JAG1: variants seen among roughly 807,000 people sequenced by gnomAD.
The protein encoded by JAG1 is jagged canonical Notch ligand 1, also known as protein jagged-1.
Under a neutral mutation model 148.7 loss-of-function variants are expected in JAG1, and 23 were observed. The observed-to-expected ratio is 0.15, with a 90% CI of 0.11 to 0.22. The LOEUF is 0.22. Among genes scored for constraint, JAG1 ranks in the 10% least tolerant of loss-of-function variants. The pLI is 1.00. For synonymous variants in JAG1, 572 were observed against 598.3 expected, an observed-to-expected ratio of 0.96 and a Z score of 0.64; for missense variants, 1,054 against 1,611.2, an observed-to-expected ratio of 0.65 and a Z score of 5.92.
chr20:10,661,555 G>A (rs2067417358), intron 3 of JAG1, among the ~76,000 whole-genome samples: 1 of 152,204 alleles, frequency 6.6e-6, no homozygotes, highest in Non-Finnish European at 1.5e-5. Flanking sequence ...TGGACAACAC[G>A]GTGTGTAAGA....
rs2122614945 is a variant in JAG1 at position 10,652,452 on chromosome 20, TC to T, written c.886+15del. Reference sequence around the variant, plus strand: ...CCCCCAGATCCCACCCTGGGTCTCATCCCTAAGGGCCATACCTTTGTCACAG... The same window carrying T: ...CCCCCAGATCCCACCCTGGGTCTCATCCTAAGGGCCATACCTTTGTCACAG... On this transcript the variant is annotated intron_variant, in intron 6 of 25. Coordinates refer to ENST00000254958, the MANE Select transcript of JAG1 (RefSeq NM_000214.3). The T allele has an allele frequency of 6.2e-7, 1 of 1,612,268 alleles. No homozygotes were observed. Among genetic ancestry groups the T allele is most frequent in the Non-Finnish European group, 8.5e-7 (1 of 1,178,772 alleles).
intron 2 of JAG1, 136 bp from the exon 3 acceptor site, chr20:10,664,150 T>G: frequency 2.7e-6 from 2 of 751,380 alleles, no homozygotes; most frequent in Non-Finnish European, 4.8e-6. Flanking sequence ...GTTGTTGCAT[T>G]GAGTTCCTGG....
chr20:10,641,024 T>C (rs1855769134), intron 24 of JAG1, 89 bp downstream of exon 24: 1 of 1,611,490 alleles, frequency 6.2e-7, no homozygotes, highest in Non-Finnish European at 8.5e-7. Flanking sequence ...CTGCAAAGCT[T>C]TTTGTCAGTG....
chr20:10,663,270 G>A (rs7267808), intron 3 of JAG1, among the ~76,000 whole-genome samples: 12,868 of 152,186 alleles, frequency 0.085, 792 homozygotes, highest in East Asian at 0.22. Context: ...GTTTCGGCTC[G>A]TGAGCGAAAA....
At chr20:10,671,959 G>A (rs2067498410) in intron 2 of JAG1, among the ~76,000 whole-genome samples, 1 of 151,882 alleles carries the variant, frequency 6.6e-6, no homozygotes, top group African/African-American at 2.4e-5. Flanking sequence ...CCGTGCACCC[G>A]CCCTTCCCGG....
chr20:10,641,001 C>T (rs112822167), intron 24 of JAG1, 68 bp from the exon 25 acceptor site: 20 of 1,610,566 alleles, frequency 1.2e-5, no homozygotes, highest in African/African-American at 2.7e-5. Context: ...CAAAATTACT[C>T]GACAATCTGT....
rs1337206941 is a variant in JAG1 at position 10,648,021 on chromosome 20, C to A, written c.1659G>T (p.Glu553Asp). 3 of 1,614,050 alleles carry A rather than the reference C, an allele frequency of 1.9e-6. No individual in the cohort carries two copies. Among genetic ancestry groups the A allele is most frequent in the Admixed American group, 3.3e-5 (2 of 60,000 alleles). The change falls in exon 13 of 26, where the codon GAG becomes GAT. Residue 553 changes from glutamate (E) to aspartate (D), a missense_variant. Glu to Asp is a conservative substitution (Grantham distance 45). Transcript: ENST00000254958. ...GTGAGCAGTTCTTGCCCTCATAGTC[C>A]TCGGGGCACTTGCAGAAATAGTCAC... ...RASDYFCKCP[E>D]DYEGKNCSHL...
intron 3 of JAG1, among the ~76,000 whole-genome samples, chr20:10,660,643 C>T (rs566412064): frequency 2.0e-5 from 3 of 152,210 alleles, no homozygotes; most frequent in Non-Finnish European, 4.4e-5. Flanking sequence ...CAGAGGATCA[C>T]TTCAGAATCC....
chr20:10,650,196 C>T (rs562173518), intron 9 of JAG1, 51 bp downstream of exon 9: 15 of 1,191,330 alleles, frequency 1.3e-5, no homozygotes, highest in South Asian at 8.7e-5. Context: ...ATGGCTTTGA[C>T]AATCAAAGCC....
At chr20:10,641,092 G>A in intron 24 of JAG1, 21 bp downstream of exon 24, 1 of 1,614,060 alleles carries the variant, frequency 6.2e-7, no homozygotes, top group Non-Finnish European at 8.5e-7. Context: ...ATAATGAGGT[G>A]TGAATGGGTC....
At position 10,656,353 on chromosome 20, in the gene JAG1, T is replaced by G. The variant is rs375081445; in HGVS notation, c.755+45A>C. The G allele has an allele frequency of 5.4e-6, 8 of 1,478,048 alleles. No homozygotes were observed. In the South Asian group the frequency reaches 7.9e-5, roughly 15 times the overall value. The allele number at this position is 1,478,048 out of a possible 1,614,324, so 91.6% of individuals were successfully genotyped here. A position where few individuals can be genotyped will look rare whatever the true frequency, so the allele number is the denominator to read the frequency against. On this transcript the variant is annotated intron_variant, in intron 5 of 25. Transcript: ENST00000254958. ...CAATAAAGTCAGTTCCTCTCTTACATAAAGGAAAATTAAAAGAAATCTCAC... is the reference window on the plus strand; with the variant it reads ...CAATAAAGTCAGTTCCTCTCTTACAGAAAGGAAAATTAAAAGAAATCTCAC...
intron 4 of JAG1, among the ~76,000 whole-genome samples, chr20:10,657,372 AC>A: frequency 6.7e-6 from 1 of 150,106 alleles, no homozygotes; most frequent in Non-Finnish European, 1.5e-5. Context: ...AAAACACCAA[AC>A]AAAAAACCCA....
Position 10,651,705 on chromosome 20 carries a change from C to G in JAG1, c.1007-11G>C, listed in dbSNP as rs1239483052. ...GGCAGGCGTGCTCAGCTGCAAAAAC[C>G]AGGATGGCAGTCAGAGAGGGATGCC... On this transcript the variant is annotated splice_polypyrimidine_tract_variant and intron_variant, in intron 7 of 25. Transcript: ENST00000254958. The G allele has an allele frequency of 5.1e-6, 8 of 1,577,682 alleles. No individual in the cohort carries two copies. Among genetic ancestry groups the G allele is most frequent in the Non-Finnish European group, 7.0e-6 (8 of 1,147,908 alleles).
At chr20:10,658,756 A>G in intron 3 of JAG1, 34 bp from the exon 4 acceptor site, 1 of 1,612,810 alleles carries the variant, frequency 6.2e-7, no homozygotes, top group Non-Finnish European at 8.5e-7. Flanking sequence ...GTTAATATTC[A>G]CATTGCAGCC....
In JAG1 at chr20:10,673,662, C is replaced by A; in HGVS notation, c.-132G>T. 3.2e-6 allele frequency: 1 copy of A among 313,394 alleles called. No homozygotes were observed. Among genetic ancestry groups the A allele is most frequent in the South Asian group, 1.4e-4 (1 of 7,186 alleles). The allele number at this position is 313,394 out of a possible 1,614,324, so 19.4% of individuals were successfully genotyped here. On this transcript the variant is annotated 5_prime_UTR_variant, in exon 1 of 26. It removes an upstream start codon present in the reference 5' UTR. Transcript: ENST00000254958. This position sits in a 1 kb window ranked among gnomAD's most constrained non-coding sequence, Gnocchi z 4.7. ...CTCTAATATACTCCGCCGATTGGAG[C>A]ATGCACGACTGGAAAACAACACCAC...
chr20:10,658,920 G>C (rs1453914268), intron 3 of JAG1, among the ~76,000 whole-genome samples, 198 bp from the exon 4 acceptor site: 1 of 152,230 alleles, frequency 6.6e-6, no homozygotes, highest in East Asian at 1.9e-4. Flanking sequence ...TGGGTACACA[G>C]TATTTCATTG....
In JAG1 at chr20:10,649,505, G is replaced by GAAAC; in HGVS notation, c.1348+13_1348+16dup. 6.6e-7 allele frequency: 1 copy of GAAAC among 1,514,034 alleles called. No homozygotes were observed. Among genetic ancestry groups the GAAAC allele is most frequent in the Non-Finnish European group, 9.2e-7 (1 of 1,088,828 alleles). The allele number at this position is 1,514,034 out of a possible 1,614,324, so 93.8% of individuals were successfully genotyped here. A position where few individuals can be genotyped will look rare whatever the true frequency, so the allele number is the denominator to read the frequency against. ...CCCAAGTTTCATGAAAATCAAAATG[G>GAAAC]AAACAAAGTCACTCACTTATGTCAC... On this transcript the variant is annotated intron_variant, in intron 10 of 25. Coordinates refer to ENST00000254958, the MANE Select transcript of JAG1 (RefSeq NM_000214.3).
intron 3 of JAG1, among the ~76,000 whole-genome samples, chr20:10,659,319 G>A (rs1185345096): frequency 6.6e-6 from 1 of 152,212 alleles, no homozygotes; most frequent in Non-Finnish European, 1.5e-5. Flanking sequence ...ATTTGTTCCT[G>A]TGAACAGCAA....
rs35826283 is a variant in JAG1 at position 10,659,559 on chromosome 20, C to CTTTTTTTTTTTTTTTTTTTTTTTTTTT, written c.440-864_440-838dup. On this transcript the variant is annotated intron_variant, in intron 3 of 25. Coordinates refer to ENST00000254958, the MANE Select transcript of JAG1 (RefSeq NM_000214.3). ...GGAAGCCAAGGAGACGATTAAGTTA[C>CTTTTTTTTTTTTTTTTTTTTTTTTTTT]TTTTTTTTTTTTTTTTTTTTTTTTT... Among the ~76,000 whole-genome samples, 13 of 105,138 alleles carry CTTTTTTTTTTTTTTTTTTTTTTTTTTT rather than the reference C, an allele frequency of 1.2e-4. 6 individuals are homozygous for CTTTTTTTTTTTTTTTTTTTTTTTTTTT. Among genetic ancestry groups the CTTTTTTTTTTTTTTTTTTTTTTTTTTT allele is most frequent in the Non-Finnish European group, 9.4e-5 (5 of 53,466 alleles). 69.0% of individuals were successfully genotyped at this position (105,138 alleles called of 152,430 possible).
Sources: allele counts gnomAD v4.1 joint callset (sites outside exome capture counted in the v4.1 genomes callset), GRCh38; gene constraint gnomAD v4.1.1; non-coding constraint Gnocchi (gnomAD v3.1); transcripts MANE v1.5; gene names NCBI Gene and HGNC (gene_info 2026-07-23, HGNC 2026-07-21).